PAPPA2: variants seen among roughly 807,000 people sequenced by gnomAD.
PAPPA2 encodes the protein pappalysin 2.
PAPPA2 carries 86 observed loss-of-function variants against 176.4 expected under a neutral mutation model. That is an observed-to-expected ratio of 0.49 (90% CI 0.41 to 0.58). The LOEUF is 0.58. Among genes scored for constraint, PAPPA2 ranks in the 20% least tolerant of loss-of-function variants. The pLI is 0.00. For synonymous variants in PAPPA2, 809 were observed against 852.2 expected, an observed-to-expected ratio of 0.95 and a Z score of 0.88; for missense variants, 2,073 against 2,256.9, an observed-to-expected ratio of 0.92 and a Z score of 1.65.
intron 9 of PAPPA2, among the ~76,000 whole-genome samples, chr1:176,704,171 G>A (rs1475139661): frequency 6.6e-6 from 1 of 152,278 alleles, no homozygotes; most frequent in East Asian, 1.9e-4. Flanking sequence ...CCCTGATTTT[G>A]CACATTCTCT....
chr1:176,483,628 G>A lies in PAPPA2; in HGVS notation c.-917+20210G>A, dbSNP rs189032010. 2.6e-5 allele frequency among the ~76,000 whole-genome samples: 4 copies of A among 151,942 alleles called. No homozygotes were observed. In the East Asian group the frequency reaches 5.8e-4, roughly 22 times the overall value. ...TGGGAACACATGTGCCTGCCACCAC[G>A]CCCAGCTAATTTTTGTATTTTTAGT... On this transcript the variant is annotated intron_variant, in intron 1 of 22. Coordinates refer to ENST00000367662, the MANE Select transcript of PAPPA2 (RefSeq NM_020318.3).
At chr1:176,838,475 G>C (rs1667359265) in intron 21 of PAPPA2, among the ~76,000 whole-genome samples, 1 of 152,224 alleles carries the variant, frequency 6.6e-6, no homozygotes, top group African/African-American at 2.4e-5. Flanking sequence ...TGTAGTGCTA[G>C]ATGAATAAGA....
At chr1:176,831,871 G>A (rs1667092267) in intron 21 of PAPPA2, among the ~76,000 whole-genome samples, 1 of 152,116 alleles carries the variant, frequency 6.6e-6, no homozygotes, top group Non-Finnish European at 1.5e-5. Context: ...TGGTTTCCAG[G>A]AGCCAATTAG....
At chr1:176,564,376 T>A (rs1651838775) in intron 2 of PAPPA2, among the ~76,000 whole-genome samples, 1 of 152,210 alleles carries the variant, frequency 6.6e-6, no homozygotes, top group African/African-American at 2.4e-5. Context: ...TGCAAAAAAT[T>A]CAACTCTGTT....
intron 21 of PAPPA2, among the ~76,000 whole-genome samples, chr1:176,825,952 C>G (rs1195350191): frequency 1.3e-5 from 2 of 152,124 alleles, no homozygotes; most frequent in Non-Finnish European, 2.9e-5. Context: ...GGGGATTGTT[C>G]AGTATATTGA....
intron 2 of PAPPA2, among the ~76,000 whole-genome samples, chr1:176,573,962 GA>G (rs1236910532): frequency 3.0e-5 from 4 of 133,520 alleles, no homozygotes; most frequent in African/African-American, 1.1e-4. Context: ...GTAATAAATG[GA>G]TTTTTTTTTT....
At chr1:176,646,669 T>C (rs2102736250) in intron 3 of PAPPA2, among the ~76,000 whole-genome samples, 1 of 151,632 alleles carries the variant, frequency 6.6e-6, no homozygotes, top group South Asian at 2.1e-4. Context: ...GAAGTTTGTC[T>C]TTCTGTGCTT....
At chr1:176,577,945 A>G (rs954847778) in intron 2 of PAPPA2, among the ~76,000 whole-genome samples, 3 of 151,992 alleles carry the variant, frequency 2.0e-5, no homozygotes, top group Admixed American at 2.0e-4. Context: ...GTTTTTTTGA[A>G]TAGAGCTTCA....
chr1:176,772,989 A>G (rs1218649033), intron 17 of PAPPA2, among the ~76,000 whole-genome samples: 1 of 152,074 alleles, frequency 6.6e-6, no homozygotes, highest in African/African-American at 2.4e-5. Context: ...AGACAGCAAG[A>G]TCATCACCAG....
chr1:176,690,787 G>A (rs977282407), intron 5 of PAPPA2: 5 of 1,060,850 alleles, frequency 4.7e-6, no homozygotes, highest in Non-Finnish European at 5.7e-6. Flanking sequence ...TTACTCTGAA[G>A]AAGAGTCCAA....
At chr1:176,638,566 C>T (rs1485338257) in intron 3 of PAPPA2, among the ~76,000 whole-genome samples, 1 of 152,028 alleles carries the variant, frequency 6.6e-6, no homozygotes, top group Non-Finnish European at 1.5e-5. Flanking sequence ...CCGAATTGCA[C>T]ATTCTCAGGA....
intron 13 of PAPPA2, 101 bp downstream of exon 13, chr1:176,739,862 A>G: frequency 1.9e-6 from 3 of 1,567,026 alleles, no homozygotes; most frequent in Non-Finnish European, 2.6e-6. Flanking sequence ...GATCTTGCCT[A>G]CATCATACAT....
chr1:176,716,603 T>TTC (rs1661385424), intron 12 of PAPPA2, among the ~76,000 whole-genome samples: 1 of 62,870 alleles, frequency 1.6e-5, no homozygotes, highest in South Asian at 4.1e-4. Flanking sequence ...TCCTTCCTTC[T>TTC]TTTTTTTTTT....
rs141119779 is a variant in PAPPA2 at position 176,733,009 on chromosome 1, A to T, written c.3799-6617A>T. ...AGGTGCTCATAGGAGAGCAAACCCT[A>T]TTGTGAACTGCACATGCAAGGGATC... On this transcript the variant is annotated intron_variant, in intron 12 of 22. Transcript: ENST00000367662. Among the ~76,000 whole-genome samples, 1,000 of 152,246 alleles carry T rather than the reference A, an allele frequency of 6.6e-3. 15 individuals carry two copies. The highest frequency in any genetic ancestry group is 0.022 in the African/African-American group (930 of 41,556).
rs773829570 is a variant in PAPPA2, at chr1:176,740,142, C to T, written c.4097C>T (p.Ser1366Leu). 2.8e-5 allele frequency: 45 copies of T among 1,613,732 alleles called. No homozygotes were observed. The highest frequency in any genetic ancestry group is 1.6e-4 in the Middle Eastern group (1 of 6,080). ...ALRTSSRIGL[S>L]APSNCISEDE... is the part of the protein sequence containing the mutation. ...AGGACATCCTCCCGCATTGGTCTTTCGGCTCCCAGTAACTGCATCTCAGAG... is the reference window on the plus strand; with the variant it reads ...AGGACATCCTCCCGCATTGGTCTTTTGGCTCCCAGTAACTGCATCTCAGAG... The change falls in exon 14 of 23, where the codon TCG becomes TTG. Residue 1366 changes from serine to leucine, a missense_variant. Around this residue, in one of 4 missense-constraint regions of PAPPA2, gnomAD observed 846 missense variants for 857.9 expected, o/e 0.99. Coordinates refer to ENST00000367662, the MANE Select transcript of PAPPA2 (RefSeq NM_020318.3).
At chr1:176,616,161 T>C (rs1163644802) in intron 3 of PAPPA2, 53 of 331,358 alleles carry the variant, frequency 1.6e-4, no homozygotes, top group Non-Finnish European at 2.3e-4. Context: ...AGTACTCCTA[T>C]GGAAGCTTCA....
At chr1:176,767,084 G>A (rs1284059349) in intron 15 of PAPPA2, among the ~76,000 whole-genome samples, 1 of 152,136 alleles carries the variant, frequency 6.6e-6, no homozygotes, top group East Asian at 1.9e-4. Context: ...GGTCTGTGAA[G>A]CTTTAGCCAG....
intron 3 of PAPPA2, among the ~76,000 whole-genome samples, chr1:176,625,113 G>A (rs551078416): frequency 1.5e-4 from 23 of 152,324 alleles, no homozygotes; most frequent in South Asian, 8.3e-4. Context: ...AAGGAAATTG[G>A]ACAGTAGACT....
At chr1:176,658,303 C>A (rs762102117) in intron 3 of PAPPA2, among the ~76,000 whole-genome samples, 9 of 151,694 alleles carry the variant, frequency 5.9e-5, no homozygotes, top group African/African-American at 2.4e-5. Flanking sequence ...ATATTAGAGG[C>A]AGAAAAATAA....
Sources: gnomAD v4.1 joint callset for allele counts (sites outside exome capture counted in the v4.1 genomes callset) on GRCh38, gnomAD v4.1.1 for gene constraint, gnomAD v4.1.1 regional missense constraint, MANE v1.5 for transcripts, NCBI Gene and HGNC (gene_info 2026-07-23, HGNC 2026-07-21) for gene names.